The following LDLRAD4 variants were observed in gnomAD, a reference collection of about 807,000 sequenced individuals.
LDLRAD4 encodes the protein low-density lipoprotein receptor class A domain-containing protein 4.
A neutral mutation model predicts 17.0 loss-of-function variants in LDLRAD4; 5 were observed. The ratio of observed to expected loss-of-function variants is 0.29; its 90% confidence interval spans 0.15 to 0.62. LDLRAD4 has a LOEUF of 0.62. Ranked by LOEUF, LDLRAD4 falls within the 20% of genes least tolerant of loss-of-function variation. The pLI, the probability that LDLRAD4 is intolerant of heterozygous loss-of-function variation, is 0.84. For missense variants in LDLRAD4, 340 were observed against 424.7 expected, an observed-to-expected ratio of 0.80 and a Z score of 1.75; for synonymous variants, 168 against 171.8, an observed-to-expected ratio of 0.98 and a Z score of 0.17.
At chr18:13,321,284 C>G (rs2081205443) in intron 1 of LDLRAD4, among the ~76,000 whole-genome samples, 1 of 152,216 alleles carries the variant, frequency 6.6e-6, no homozygotes, top group Non-Finnish European at 1.5e-5. Context: ...CCAGGTTCCT[C>G]CTGAACATTA....
At chr18:13,426,560 G>A (rs749233625) in intron 2 of LDLRAD4, among the ~76,000 whole-genome samples, 6 of 152,140 alleles carry the variant, frequency 3.9e-5, no homozygotes, top group Non-Finnish European at 5.9e-5. Flanking sequence ...AGCCCCACCC[G>A]TGCCTCTTCC....
At chr18:13,615,311 A>G (rs1398684418) in intron 3 of LDLRAD4, 1 of 152,246 alleles carries the variant, frequency 6.6e-6, no homozygotes, top group South Asian at 2.1e-4. Flanking sequence ...GAGGGCATAC[A>G]TAACACATCT....
chr18:13,360,585 A>G (rs1304148898), intron 1 of LDLRAD4, among the ~76,000 whole-genome samples: 2 of 152,270 alleles, frequency 1.3e-5, no homozygotes, highest in Admixed American at 1.3e-4. Context: ...TCTTGAAAAG[A>G]GCATAAGTAG....
intron 3 of LDLRAD4, among the ~76,000 whole-genome samples, chr18:13,573,094 T>C (rs1408698384): frequency 6.6e-6 from 1 of 152,176 alleles, no homozygotes; most frequent in African/African-American, 2.4e-5. Context: ...TTTTATTTTA[T>C]TTTTATTTTT....
chr18:13,539,200 C>A (rs1044436156), intron 3 of LDLRAD4, among the ~76,000 whole-genome samples: 1 of 152,112 alleles, frequency 6.6e-6, no homozygotes, highest in Non-Finnish European at 1.5e-5. Context: ...TGCTTTATTT[C>A]GAGACCTCTG....
exon 5 of LDLRAD4, chr18:13,643,404 G>C: frequency 1.6e-6 from 2 of 1,271,474 alleles, no homozygotes; most frequent in Non-Finnish European, 2.0e-6. Flanking sequence ...GCGGCTGGGC[G>C]CCTCGGAGGT....
At chr18:13,460,654 CAA>C (rs1568191415) in intron 3 of LDLRAD4, among the ~76,000 whole-genome samples, 1 of 152,170 alleles carries the variant, frequency 6.6e-6, no homozygotes, top group Non-Finnish European at 1.5e-5. Context: ...CAAAAAAGGA[CAA>C]TTAGTGATGA....
At chr18:13,529,414 G>T (rs2094092049) in intron 3 of LDLRAD4, among the ~76,000 whole-genome samples, 1 of 152,234 alleles carries the variant, frequency 6.6e-6, no homozygotes, top group Non-Finnish European at 1.5e-5. Flanking sequence ...TTAAAAGGAG[G>T]TCATCCACAA....
chr18:13,310,078 G>T (rs1467692358), intron 1 of LDLRAD4, among the ~76,000 whole-genome samples: 1 of 151,774 alleles, frequency 6.6e-6, no homozygotes, highest in Non-Finnish European at 1.5e-5. Flanking sequence ...GGTGTCTCAC[G>T]CCAGGAATCC....
At chr18:13,263,825 T>A (rs2282638) in intron 1 of LDLRAD4, among the ~76,000 whole-genome samples, 11,935 of 152,174 alleles carry the variant, frequency 0.078, 614 homozygotes, top group East Asian at 0.19. Flanking sequence ...CTGACTGCAT[T>A]GCTGTCCCTC....
At chr18:13,584,656 C>T (rs1338438168) in intron 3 of LDLRAD4, among the ~76,000 whole-genome samples, 5 of 152,110 alleles carry the variant, frequency 3.3e-5, no homozygotes, top group African/African-American at 1.2e-4. Context: ...ACAAATAATT[C>T]CATATTACCA....
chr18:13,563,745 C>T (rs902284492), intron 3 of LDLRAD4, among the ~76,000 whole-genome samples: 109 of 152,112 alleles, frequency 7.2e-4, no homozygotes, highest in African/African-American at 2.6e-3. Flanking sequence ...CCTGGCCCCA[C>T]GGGAGATGTA....
At chr18:13,276,133 C>T (rs569821945), upstream of LDLRAD4, among the ~76,000 whole-genome samples, 15 of 152,224 alleles carry the variant, frequency 9.9e-5, no homozygotes, top group South Asian at 1.2e-3. Context: ...CTCAGCCTCC[C>T]GAGTAGCTGG....
rs188544107 is a variant in LDLRAD4, at chr18:13,417,006, G to A, written c.41-21238G>A. 2.1e-3 allele frequency among the ~76,000 whole-genome samples: 316 copies of A among 152,276 alleles called. 2 individuals carry two copies. Among genetic ancestry groups the A allele is most frequent in the African/African-American group, 7.3e-3 (303 of 41,544 alleles). On this transcript the variant is annotated intron_variant, in intron 2 of 5. Coordinates refer to ENST00000359446, the Ensembl canonical transcript of LDLRAD4. ...ACCACAGACAGGTTAAGTGGCTTGC[G>A]CAAGATTGCACAGCCAGTAAGTAGT... is the stretch of plus-strand genomic sequence containing the variant.
chr18:13,285,342 G>C (rs1184564000), intron 1 of LDLRAD4, among the ~76,000 whole-genome samples: 2 of 152,178 alleles, frequency 1.3e-5, no homozygotes, highest in East Asian at 3.8e-4. Context: ...GCTTGGGGCA[G>C]TCACTTCAGT....
intron 1 of LDLRAD4, among the ~76,000 whole-genome samples, chr18:13,318,451 G>A (rs1376452302): frequency 1.3e-5 from 2 of 152,044 alleles, no homozygotes; most frequent in African/African-American, 4.8e-5. Flanking sequence ...TAGTAGAGAC[G>A]GGGTTTTACC....
At chr18:13,619,515 C>CG (rs71366065) in intron 3 of LDLRAD4, among the ~76,000 whole-genome samples, 22,450 of 47,504 alleles carry the variant, frequency 0.47, 2,808 homozygotes, top group Non-Finnish European at 0.56. Context: ...GGGGTGGGGC[C>CG]GGGGGGGGGC....
intron 3 of LDLRAD4, among the ~76,000 whole-genome samples, chr18:13,532,450 A>T (rs556797007): frequency 6.6e-6 from 1 of 152,358 alleles, no homozygotes; most frequent in African/African-American, 2.4e-5. Flanking sequence ...TCAGGCCCAG[A>T]TACAAGCGAC....
chr18:13,338,361 A>C (rs999727694), intron 1 of LDLRAD4, among the ~76,000 whole-genome samples: 1 of 152,028 alleles, frequency 6.6e-6, no homozygotes, highest in East Asian at 1.9e-4. Flanking sequence ...TATCTTTTCT[A>C]TCCAGGTTCC....
Sources: allele counts gnomAD v4.1 joint callset (sites outside exome capture counted in the v4.1 genomes callset), GRCh38; gene constraint gnomAD v4.1.1; transcripts MANE v1.5; gene names NCBI Gene and HGNC (gene_info 2026-07-23, HGNC 2026-07-21).